LRRCC1: variants seen among roughly 807,000 people sequenced by gnomAD.
The protein encoded by LRRCC1 is leucine rich repeat and coiled-coil centrosomal protein 1, also known as leucine-rich repeat and coiled-coil domain-containing protein 1.
A neutral mutation model predicts 126.0 loss-of-function variants in LRRCC1; 115 were observed. The ratio of observed to expected loss-of-function variants is 0.91; its 90% CI spans 0.78 to 1.07. The LOEUF (loss-of-function observed/expected upper bound fraction) is 1.07, where lower values mean the gene tolerates loss of function less well. Ranked by LOEUF, LRRCC1 falls within the 50% of genes least tolerant of loss-of-function variation. The pLI, the probability that LRRCC1 is intolerant of heterozygous loss-of-function variation, is 0.00. For missense variants in LRRCC1, 1,172 were observed against 1,175.7 expected, an observed-to-expected ratio of 1.00 and a Z score of 0.05; for synonymous variants, 400 against 393.4, an observed-to-expected ratio of 1.02 and a Z score of -0.20.
At chr8:85,111,207 G>C (rs552025802) in intron 3 of LRRCC1, among the ~76,000 whole-genome samples, 2 of 152,076 alleles carry the variant, frequency 1.3e-5, no homozygotes, top group Non-Finnish European at 1.5e-5. Context: ...GAGAAACCCC[G>C]TCTCTACTAA....
intron 12 of LRRCC1, among the ~76,000 whole-genome samples, chr8:85,132,365 T>G (rs993890833): frequency 6.7e-6 from 1 of 148,420 alleles, no homozygotes; most frequent in Non-Finnish European, 1.5e-5. Flanking sequence ...AAAGCACAGT[T>G]GAGTACTTTC....
chr8:85,126,373 G>A (rs1375809245), intron 8 of LRRCC1, among the ~76,000 whole-genome samples: 4 of 151,762 alleles, frequency 2.6e-5, no homozygotes, highest in African/African-American at 9.7e-5. Context: ...CCTGGCCAAC[G>A]TGGTGAAACC....
chr8:85,139,659 C>T (rs1051168774), intron 17 of LRRCC1, among the ~76,000 whole-genome samples: 2 of 152,124 alleles, frequency 1.3e-5, no homozygotes, highest in African/African-American at 4.8e-5. Context: ...TAAGGTTTTA[C>T]TGTGTTAAAA....
Position 85,107,408 on chromosome 8 carries a change from C to T in LRRCC1, c.104+9C>T, listed in dbSNP as rs745850491. The T allele has an allele frequency of 2.5e-6, 4 of 1,598,606 alleles. No individual in the cohort carries two copies. The highest frequency in any genetic ancestry group is 4.5e-5 in the East Asian group (2 of 44,476). The stretch of plus-strand genomic sequence containing the variant: ...GACAAAGGCTTGCAGAGGTAAAGGG[C>T]GCTCCGCAGCCAGGAGCGACCCGCG... On this transcript the variant is annotated intron_variant, in intron 1 of 18. Transcript: ENST00000360375.
At chr8:85,139,780 G>A (rs1811138945) in intron 17 of LRRCC1, among the ~76,000 whole-genome samples, 1 of 152,156 alleles carries the variant, frequency 6.6e-6, no homozygotes. Flanking sequence ...AGATAACATG[G>A]CTATCTATGG....
At chr8:85,133,529 A>G (rs1367171838) in intron 12 of LRRCC1, among the ~76,000 whole-genome samples, 1 of 152,076 alleles carries the variant, frequency 6.6e-6, no homozygotes, top group African/African-American at 2.4e-5. Flanking sequence ...ATTCTACTTC[A>G]CTGCTAATTT....
intron 2 of LRRCC1, 107 bp from the exon 3 acceptor site, chr8:85,110,008 C>A: frequency 1.6e-6 from 1 of 627,214 alleles, no homozygotes; most frequent in Non-Finnish European, 2.7e-6. Flanking sequence ...TGTTACCAGA[C>A]TGGATTTACT....
chr8:85,134,610 G>A (rs958273262), intron 12 of LRRCC1, among the ~76,000 whole-genome samples: 7 of 152,058 alleles, frequency 4.6e-5, no homozygotes, highest in East Asian at 1.9e-4. Flanking sequence ...ATCAGCCACC[G>A]CGCCCAGCCC....
intron 17 of LRRCC1, 48 bp from the exon 18 acceptor site, chr8:85,141,334 T>C: frequency 6.7e-7 from 1 of 1,490,774 alleles, no homozygotes; most frequent in Non-Finnish European, 9.2e-7. Context: ...ATCTTTACAT[T>C]CACACCACAT....
intron 18 of LRRCC1, among the ~76,000 whole-genome samples, chr8:85,142,625 T>G (rs1031823708): frequency 1.3e-5 from 2 of 151,520 alleles, no homozygotes; most frequent in Non-Finnish European, 2.9e-5. Context: ...AGCTAAGGAA[T>G]TCAAGACCAG....
intron 13 of LRRCC1, 132 bp downstream of exon 13, chr8:85,135,164 A>C (rs1260246655): frequency 5.5e-6 from 3 of 542,246 alleles, no homozygotes; most frequent in Non-Finnish European, 9.1e-6. Context: ...TAAGAAAAAT[A>C]GTATAACTAA....
At chr8:85,125,075 C>A in intron 8 of LRRCC1, 136 bp downstream of exon 8, 1 of 577,682 alleles carries the variant, frequency 1.7e-6, no homozygotes, top group Non-Finnish European at 3.0e-6. Flanking sequence ...TTTTTTCCTT[C>A]CTGATTTCCA....
chr8:85,110,162 C>T lies in LRRCC1; in HGVS notation c.358C>T (p.His120Tyr). ...NLTRLNVSYN[H>Y]IDDLSGLIPL... ...GACTAGACTAAATGTATCTTATAAC[C>T]ACATAGATGATCTTAGTGGTAAGTA... The change falls in exon 3 of 19, where the codon CAC becomes TAC. Residue 120 changes from histidine (H) to tyrosine (Y), a missense_variant. His to Tyr is a moderately conservative substitution (Grantham distance 83, BLOSUM62 2). Coordinates refer to ENST00000360375, the MANE Select transcript of LRRCC1 (RefSeq NM_033402.5). 7.6e-7 allele frequency: 1 copy of T among 1,320,282 alleles called. No individual in the cohort carries two copies. The allele number at this position is 1,320,282 out of a possible 1,614,324, so 81.8% of individuals were successfully genotyped here. A position where few individuals can be genotyped will look rare whatever the true frequency, so the allele number is the denominator to read the frequency against.
chr8:85,114,998 A>G (rs905606190), intron 4 of LRRCC1, 102 bp from the exon 5 acceptor site: 57 of 830,022 alleles, frequency 6.9e-5, no homozygotes, highest in Non-Finnish European at 8.3e-5. Flanking sequence ...TTCTGGAACT[A>G]TTCCGGGTGA....
intron 6 of LRRCC1, among the ~76,000 whole-genome samples, chr8:85,115,995 A>G (rs1347232185): frequency 1.3e-5 from 2 of 152,214 alleles, no homozygotes. Flanking sequence ...TTATAGCTAA[A>G]TGGCAGGTTA....
chr8:85,113,684 GAA>G (rs1002851074), intron 4 of LRRCC1, among the ~76,000 whole-genome samples: 17 of 151,996 alleles, frequency 1.1e-4, no homozygotes, highest in African/African-American at 4.1e-4. Flanking sequence ...TAAGAAATGA[GAA>G]AATTTTTTAC....
chr8:85,113,583 GTA>G (rs1438515919), intron 4 of LRRCC1, among the ~76,000 whole-genome samples: 1 of 151,864 alleles, frequency 6.6e-6, no homozygotes, highest in Non-Finnish European at 1.5e-5. Context: ...TGTGTGCTCA[GTA>G]TATACATAAA....
intron 9 of LRRCC1, among the ~76,000 whole-genome samples, chr8:85,128,419 A>AC (rs1236994175): frequency 8.0e-5 from 6 of 75,384 alleles, no homozygotes; most frequent in African/African-American, 1.1e-4. Flanking sequence ...TATCTGTGCC[A>AC]CCCCCCCACC....
At position 85,138,209 on chromosome 8, in the gene LRRCC1, G is replaced by C; in HGVS notation, c.2668G>C (p.Glu890Gln). 6.2e-7 allele frequency: 1 copy of C among 1,610,252 alleles called. No individual in the cohort carries two copies. The highest frequency in any genetic ancestry group is 8.5e-7 in the Non-Finnish European group (1 of 1,178,752). Residue 890 changes from glutamate (E) to glutamine (Q), a missense_variant, in exon 16 of 19, where the codon GAA becomes CAA. Coordinates refer to ENST00000360375, the MANE Select transcript of LRRCC1 (RefSeq NM_033402.5). ...EKLKQQLKGK[E>Q]VELEEIRKAY... ...ACTAAAACAACAGTTGAAAGGAAAG[G>C]AAGTAGAACTTGAAGAAATCAGAAA...
Sources: gnomAD v4.1 joint callset for allele counts (sites outside exome capture counted in the v4.1 genomes callset) on GRCh38, gnomAD v4.1.1 for gene constraint, MANE v1.5 for transcripts, NCBI Gene and HGNC (gene_info 2026-07-23, HGNC 2026-07-21) for gene names.